The following PARD3B variants were observed in gnomAD, a reference collection of about 807,000 sequenced individuals.
PARD3B encodes the protein par-3 family cell polarity regulator beta.
A neutral mutation model predicts 130.2 loss-of-function variants in PARD3B; 103 were observed. That is an observed-to-expected ratio of 0.79 (90% CI 0.67 to 0.93). PARD3B has a LOEUF of 0.93. PARD3B is among the 40% of genes least tolerant of loss of function. The pLI is 0.00. For synonymous variants in PARD3B, 583 were observed against 553.2 expected (o/e 1.05, Z -0.76); for missense variants, 1,609 against 1,499.2 (o/e 1.07, Z -1.21).
At chr2:205,536,508 A>T (rs2051865946) in intron 21 of PARD3B, among the ~76,000 whole-genome samples, 2 of 152,104 alleles carry the variant, frequency 1.3e-5, no homozygotes, top group Admixed American at 6.6e-5. Flanking sequence ...TTCCCTTGTG[A>T]ATGTTGTAAA....
intron 22 of PARD3B, among the ~76,000 whole-genome samples, chr2:205,574,699 C>G (rs1256604116): frequency 6.6e-6 from 1 of 152,004 alleles, no homozygotes; most frequent in East Asian, 1.9e-4. Flanking sequence ...AGACAAAGCC[C>G]TTCCCTTCAC....
At position 204,678,494 on chromosome 2, in the gene PARD3B, T is replaced by G. The variant is rs187515481; in HGVS notation, c.121-7687T>G. On this transcript the variant is annotated intron_variant, in intron 1 of 22. Transcript: ENST00000406610. This position sits in a 1 kb window ranked among gnomAD's most constrained non-coding sequence, Gnocchi z 4.2. The stretch of plus-strand genomic sequence containing the variant: ...CAGAGGTTTTATTGACTGATGGAGG[T>G]GGCTGTCAGTGGAAAAGGAGCTAGA... Among the ~76,000 whole-genome samples, 38 of 152,006 alleles carry G rather than the reference T, an allele frequency of 2.5e-4. No individual in the cohort carries two copies. Among genetic ancestry groups the G allele is most frequent in the Admixed American group, 2.5e-3 (38 of 15,256 alleles).
At chr2:205,561,049 A>G (rs2106520848) in intron 22 of PARD3B, among the ~76,000 whole-genome samples, 1 of 152,328 alleles carries the variant, frequency 6.6e-6, no homozygotes, top group African/African-American at 2.4e-5. Flanking sequence ...ACAAGTGCGC[A>G]GGTAACTTTG....
At chr2:204,962,676 C>A (rs1690853495) in intron 2 of PARD3B, among the ~76,000 whole-genome samples, 1 of 152,150 alleles carries the variant, frequency 6.6e-6, no homozygotes, top group South Asian at 2.1e-4. Flanking sequence ...GGACCTGCAA[C>A]ATATGATTTA....
At chr2:205,472,589 TCTC>T (rs1300137476) in intron 20 of PARD3B, among the ~76,000 whole-genome samples, 9 of 152,314 alleles carry the variant, frequency 5.9e-5, no homozygotes, top group African/African-American at 2.2e-4. Context: ...TCTCAAGACT[TCTC>T]CTCTTAAATT....
intron 20 of PARD3B, among the ~76,000 whole-genome samples, chr2:205,449,614 G>A (rs1575054680): frequency 6.6e-6 from 1 of 152,144 alleles, no homozygotes; most frequent in Non-Finnish European, 1.5e-5. Context: ...TCTGTGAGCT[G>A]ATGTAATACC....
At chr2:205,314,204 A>G (rs1378526763) in intron 18 of PARD3B, among the ~76,000 whole-genome samples, 2 of 152,174 alleles carry the variant, frequency 1.3e-5, no homozygotes, top group East Asian at 1.9e-4. Flanking sequence ...GAGAACTTCA[A>G]TGTAATTTAC....
intron 2 of PARD3B, among the ~76,000 whole-genome samples, chr2:204,870,669 T>C (rs1575176056): frequency 6.6e-6 from 1 of 152,198 alleles, no homozygotes; most frequent in South Asian, 2.1e-4. Context: ...AATATTTTCT[T>C]TTAAGCTCTG....
chr2:205,181,245 T>TTCTAATGTG (rs1473290980), intron 13 of PARD3B, among the ~76,000 whole-genome samples: 4 of 152,190 alleles, frequency 2.6e-5, no homozygotes, highest in Admixed American at 6.5e-5. Context: ...GTAGAATTAT[T>TTCTAATGTG]TCTAATGTGT....
chr2:205,579,560 G>A (rs1254165891), intron 22 of PARD3B, among the ~76,000 whole-genome samples: 1 of 152,152 alleles, frequency 6.6e-6, no homozygotes, highest in African/African-American at 2.4e-5. Context: ...CAGCAGACGT[G>A]GTATCCAGCC....
intron 3 of PARD3B, among the ~76,000 whole-genome samples, chr2:205,039,551 C>T (rs1260737466): frequency 6.6e-6 from 1 of 152,144 alleles, no homozygotes; most frequent in East Asian, 1.9e-4. Context: ...CTCACTGCAA[C>T]CTCTGCCTCC....
chr2:205,541,329 A>C (rs1385605228), intron 21 of PARD3B, among the ~76,000 whole-genome samples: 1 of 144,218 alleles, frequency 6.9e-6, no homozygotes, highest in South Asian at 2.2e-4. Flanking sequence ...TGAGAGTTTT[A>C]ATGCTCACAG....
chr2:205,434,473 G>GA (rs1324907942), intron 19 of PARD3B, among the ~76,000 whole-genome samples: 21 of 152,182 alleles, frequency 1.4e-4, no homozygotes, highest in African/African-American at 3.4e-4. Context: ...AGAAGGTCTA[G>GA]AAAAAATCAT....
At chr2:205,581,873 G>A (rs946666340) in intron 22 of PARD3B, among the ~76,000 whole-genome samples, 4 of 152,194 alleles carry the variant, frequency 2.6e-5, no homozygotes, top group Non-Finnish European at 4.4e-5. Flanking sequence ...TATTGCCTCT[G>A]TGGCAACGTT....
chr2:205,240,843 A>C (rs1228769579), intron 15 of PARD3B, among the ~76,000 whole-genome samples: 1 of 152,208 alleles, frequency 6.6e-6, no homozygotes, highest in Non-Finnish European at 1.5e-5. Flanking sequence ...TGTATAAGAA[A>C]GCTTGACAAA....
chr2:205,464,318 G>C (rs773725667), intron 20 of PARD3B, among the ~76,000 whole-genome samples: 1 of 152,164 alleles, frequency 6.6e-6, no homozygotes. Context: ...CTACCTAAAA[G>C]TTGGTTAGTA....
intron 2 of PARD3B, among the ~76,000 whole-genome samples, chr2:204,836,683 TA>T (rs1260096746): frequency 6.6e-6 from 1 of 151,984 alleles, no homozygotes; most frequent in Non-Finnish European, 1.5e-5. Flanking sequence ...AATGATAAAA[TA>T]AAATACCTTT....
In PARD3B at chr2:205,276,655, A is replaced by G. The variant is rs1426239396; in HGVS notation, c.2186-23875A>G. Reference sequence around the variant, plus strand: ...GCTCCAAAGTGGCTTGCAGCGCTTTATCAGCCGACATTTACACAGAAACTC... The same window carrying G: ...GCTCCAAAGTGGCTTGCAGCGCTTTGTCAGCCGACATTTACACAGAAACTC... On this transcript the variant is annotated intron_variant, in intron 16 of 22. Coordinates refer to ENST00000406610, the MANE Select transcript of PARD3B (RefSeq NM_001302769.2). This position sits in a 1 kb window ranked among gnomAD's most constrained non-coding sequence, Gnocchi z 5.0. Among the ~76,000 whole-genome samples the G allele has an allele frequency of 6.6e-6, 1 of 152,190 alleles. No homozygotes were observed. The highest frequency in any genetic ancestry group is 2.4e-5 in the African/African-American group (1 of 41,454).
chr2:204,730,372 C>T (rs902395494), intron 2 of PARD3B, among the ~76,000 whole-genome samples: 2 of 152,140 alleles, frequency 1.3e-5, no homozygotes, highest in Non-Finnish European at 2.9e-5. Flanking sequence ...CCCAGCCTTA[C>T]ATAGTTAATT....
Sources: gnomAD v4.1 joint callset for allele counts (sites outside exome capture counted in the v4.1 genomes callset) on GRCh38, gnomAD v4.1.1 for gene constraint, Gnocchi (gnomAD v3.1) non-coding constraint, MANE v1.5 for transcripts, NCBI Gene and HGNC (gene_info 2026-07-23, HGNC 2026-07-21) for gene names.